RAB6A: variants seen among roughly 807,000 people sequenced by gnomAD.
The protein encoded by RAB6A is RAB6A, member RAS oncogene family, also known as ras-related protein Rab-6A.
RAB6A carries 8 observed loss-of-function variants against 32.3 expected under a neutral mutation model. The ratio of observed to expected loss-of-function variants is 0.25; its 90% CI spans 0.15 to 0.45. The LOEUF is 0.45. RAB6A is among the 20% of genes least tolerant of loss of function. The pLI, the probability that RAB6A is intolerant of heterozygous loss-of-function variation, is 1.00. For synonymous variants in RAB6A, 73 were observed against 82.1 expected, an observed-to-expected ratio of 0.89 and a Z score of 0.60; for missense variants, 104 against 249.4, an observed-to-expected ratio of 0.42 and a Z score of 3.93.
intron 1 of RAB6A, among the ~76,000 whole-genome samples, chr11:73,742,033 G>A (rs1469395415): frequency 9.9e-5 from 15 of 152,038 alleles, no homozygotes; most frequent in African/African-American, 3.6e-4. Context: ...TGTAATTCCA[G>A]CACGTTGGGA....
chr11:73,739,282 A>ATACATATATATATAT (rs1289309364), intron 1 of RAB6A, among the ~76,000 whole-genome samples: 1 of 15,332 alleles, frequency 6.5e-5, no homozygotes, highest in African/African-American at 1.4e-4. Context: ...AAAAAAAAAA[A>ATACATATATATATAT]AAATATATAT....
At chr11:73,735,197 T>C (rs1377101516) in intron 1 of RAB6A, among the ~76,000 whole-genome samples, 1 of 152,220 alleles carries the variant, frequency 6.6e-6, no homozygotes, top group Non-Finnish European at 1.5e-5. Context: ...GACACAACAA[T>C]GATCTCAGTA....
intron 1 of RAB6A, among the ~76,000 whole-genome samples, chr11:73,758,016 TAAG>T (rs1946787668): frequency 6.6e-6 from 1 of 152,224 alleles, no homozygotes; most frequent in South Asian, 2.1e-4. Flanking sequence ...TAAATGCTAT[TAAG>T]AAGAAACAAG....
At chr11:73,700,288 T>C (rs964233858) in intron 6 of RAB6A, among the ~76,000 whole-genome samples, 2 of 152,174 alleles carry the variant, frequency 1.3e-5, no homozygotes, top group Non-Finnish European at 2.9e-5. Context: ...AAAAACAAAG[T>C]AATACTTATG....
intron 6 of RAB6A, among the ~76,000 whole-genome samples, chr11:73,683,665 G>A (rs906261226): frequency 6.6e-6 from 1 of 151,820 alleles, no homozygotes; most frequent in African/African-American, 2.4e-5. Context: ...TGATTCTCCT[G>A]CCTTATCCTT....
intron 5 of RAB6A, among the ~76,000 whole-genome samples, chr11:73,710,728 C>CTTT (rs1945943376): frequency 2.0e-5 from 3 of 150,564 alleles, no homozygotes; most frequent in African/African-American, 7.3e-5. Context: ...CAGAGAGAGA[C>CTTT]TCAGTCTTGA....
chr11:73,714,495 A>T (rs1946023035), intron 5 of RAB6A, among the ~76,000 whole-genome samples: 1 of 151,164 alleles, frequency 6.6e-6, no homozygotes, highest in South Asian at 2.1e-4. Context: ...CCTCGTCTCT[A>T]CTAAAAATAC....
chr11:73,683,217 A>C (rs1424842219), intron 6 of RAB6A, among the ~76,000 whole-genome samples: 1 of 151,740 alleles, frequency 6.6e-6, no homozygotes, highest in Non-Finnish European at 1.5e-5. Flanking sequence ...TTTTGTATAC[A>C]GAAATTCACT....
At chr11:73,743,299 TG>T (rs1288133977) in intron 1 of RAB6A, among the ~76,000 whole-genome samples, 1 of 133,494 alleles carries the variant, frequency 7.5e-6, no homozygotes, top group Non-Finnish European at 1.6e-5. Flanking sequence ...AGCGAAACTC[TG>T]TCTCAAAAAA....
Position 73,707,503 on chromosome 11 carries a change from T to C in RAB6A, c.412A>G (p.Ile138Val), listed in dbSNP as rs570143405. 36 of 1,610,962 alleles carry C rather than the reference T, an allele frequency of 2.2e-5. No individual in the cohort carries two copies. The highest frequency in any genetic ancestry group is 4.5e-5 in the East Asian group (2 of 44,844). ...TDLADKRQVS[I>V]EEGERKAKEL... is the part of the protein sequence containing the mutation. Reference sequence around the variant, plus strand: ...TTGGCTTTCCTCTCTCCCTCCTCAATTGACACTTGCCTGTAAAGAAACAAA... The same window carrying C: ...TTGGCTTTCCTCTCTCCCTCCTCAACTGACACTTGCCTGTAAAGAAACAAA... The change falls in exon 6 of 8, where the codon ATT becomes GTT. Residue 138 changes from isoleucine to valine, a missense_variant. By Grantham distance (29) the Ile-to-Val change is conservative. Coordinates refer to ENST00000336083, the MANE Select transcript of RAB6A (RefSeq NM_198896.2).
In RAB6A at chr11:73,731,684, TTATATATATATATATATATATA is replaced by T. The variant is rs1157961323; in HGVS notation, c.71-883_71-862del. On this transcript the variant is annotated intron_variant, in intron 1 of 7. Coordinates refer to ENST00000336083, the MANE Select transcript of RAB6A (RefSeq NM_198896.2). ...GTATTGTGAGATAGATAGATAGATA[TTATATATATATATATATATATA>T]TATATATATATATATATATATATAT... Among the ~76,000 whole-genome samples the T allele has an allele frequency of 1.4e-3, 21 of 14,520 alleles. 1 individual carries two copies. Among genetic ancestry groups the T allele is most frequent in the Non-Finnish European group, 1.7e-3 (12 of 7,192 alleles). The allele number at this position is 14,520 out of a possible 152,430, so 9.5% of individuals were successfully genotyped here.
At chr11:73,697,738 T>C (rs2134898004) in intron 6 of RAB6A, among the ~76,000 whole-genome samples, 1 of 152,340 alleles carries the variant, frequency 6.6e-6, no homozygotes, top group East Asian at 1.9e-4. Flanking sequence ...GTAAGCTCCA[T>C]AATGGCACAG....
In RAB6A at chr11:73,707,582, C is replaced by T. The variant is rs11827951; in HGVS notation, c.402-69G>A. On this transcript the variant is annotated intron_variant, in intron 5 of 7. Coordinates refer to ENST00000336083, the MANE Select transcript of RAB6A (RefSeq NM_198896.2). The stretch of plus-strand genomic sequence containing the variant: ...AGTATTATAAAGATTATAAAGAAAG[C>T]TCTGAAAATAACTTTCCTTGATATA... 5,614 of 1,218,972 alleles carry T rather than the reference C, an allele frequency of 4.6e-3. 189 individuals are homozygous for T. In the African/African-American group the frequency reaches 0.072, roughly 16 times the overall value. 75.5% of individuals were successfully genotyped at this position (1,218,972 alleles called of 1,614,324 possible). A position where few individuals can be genotyped will look rare whatever the true frequency, so the allele number is the denominator to read the frequency against.
At chr11:73,743,788 T>C (rs1326164878) in intron 1 of RAB6A, among the ~76,000 whole-genome samples, 1 of 152,194 alleles carries the variant, frequency 6.6e-6, no homozygotes, top group Non-Finnish European at 1.5e-5. Flanking sequence ...CATAACACAA[T>C]TTTGTGAAAC....
chr11:73,737,823 T>C (rs1469567317), intron 1 of RAB6A, among the ~76,000 whole-genome samples: 3 of 151,158 alleles, frequency 2.0e-5, no homozygotes, highest in Non-Finnish European at 4.4e-5. Flanking sequence ...TGAAACCCCG[T>C]CTCTACTTAA....
At chr11:73,718,582 A>T (rs771707458) in intron 4 of RAB6A, 31 bp downstream of exon 4, 2 of 1,545,020 alleles carry the variant, frequency 1.3e-6, no homozygotes, top group South Asian at 2.3e-5. Flanking sequence ...GGTTGAAAGA[A>T]GATTAGAAAT....
intron 1 of RAB6A, among the ~76,000 whole-genome samples, chr11:73,757,158 T>TTTTTTC (rs762917342): frequency 3.0e-5 from 3 of 98,636 alleles, no homozygotes; most frequent in South Asian, 1.0e-3. Flanking sequence ...TTTTTTTTTT[T>TTTTTTC]CTTGAGACAG....
intron 1 of RAB6A, among the ~76,000 whole-genome samples, chr11:73,732,875 C>T (rs1377635043): frequency 2.0e-5 from 3 of 151,986 alleles, no homozygotes; most frequent in East Asian, 1.9e-4. Flanking sequence ...TGCAGTGACG[C>T]GATCTCGGCT....
intron 5 of RAB6A, among the ~76,000 whole-genome samples, chr11:73,714,207 A>ATATAT (rs56359106): frequency 1.6e-3 from 112 of 71,672 alleles, no homozygotes; most frequent in African/African-American, 3.0e-3. Context: ...AAAAAAAAAA[A>ATATAT]AAATATATAT....
Sources: allele counts gnomAD v4.1 joint callset (sites outside exome capture counted in the v4.1 genomes callset), GRCh38; gene constraint gnomAD v4.1.1; transcripts MANE v1.5; gene names NCBI Gene and HGNC (gene_info 2026-07-23, HGNC 2026-07-21).